CAST: variants seen among roughly 807,000 people sequenced by gnomAD.
The protein encoded by CAST is calpastatin.
Under a neutral mutation model 119.6 loss-of-function variants are expected in CAST, and 76 were observed. The ratio of observed to expected loss-of-function variants is 0.64; its 90% CI spans 0.53 to 0.77. CAST has a LOEUF of 0.77. CAST is among the 30% of genes least tolerant of loss of function. CAST has a pLI of 0.00. For missense variants in CAST, 953 were observed against 946.5 expected, an observed-to-expected ratio of 1.01 and a Z score of -0.09; for synonymous variants, 319 against 331.6, an observed-to-expected ratio of 0.96 and a Z score of 0.41.
chr5:96,238,356 T>TTCTTCA, the CAST span, among the ~76,000 whole-genome samples: 3 of 74,342 alleles, frequency 4.0e-5, no homozygotes, highest in Non-Finnish European at 6.5e-5. Flanking sequence ...CATCTTCATC[T>TTCTTCA]TCTTCTTCTC....
At chr5:96,741,210 AT>A (rs748666487) in intron 13 of CAST, 55 bp from the exon 14 acceptor site, 7 of 929,204 alleles carry the variant, frequency 7.5e-6, no homozygotes, top group Non-Finnish European at 1.2e-5. Context: ...TTTATGATCC[AT>A]TCTTCCACTT....
intron 1 of CAST, among the ~76,000 whole-genome samples, chr5:96,647,993 C>G (rs1392978151): frequency 1.3e-5 from 2 of 152,138 alleles, no homozygotes; most frequent in African/African-American, 2.4e-5. Context: ...AGGAAATGCC[C>G]CTTGTGAATT....
At chr5:96,016,829 GTTTTTTTTTTT>G in the CAST span, among the ~76,000 whole-genome samples, 1 of 97,660 alleles carries the variant, frequency 1.0e-5, no homozygotes, top group Non-Finnish European at 1.9e-5. Context: ...GGTTATCTGG[GTTTTTTTTTTT>G]TTTTTTTTTT....
chr5:96,281,024 G>A, the CAST span, among the ~76,000 whole-genome samples: 3 of 152,216 alleles, frequency 2.0e-5, no homozygotes, highest in Non-Finnish European at 2.9e-5. Flanking sequence ...TAATGTGGAT[G>A]ATAATGTAAT....
the CAST span, among the ~76,000 whole-genome samples, chr5:96,145,262 C>CAGA: frequency 5.8e-3 from 881 of 152,286 alleles, 8 homozygotes; most frequent in African/African-American, 0.021. Context: ...TTCTGGTAAT[C>CAGA]ATGTTCTTGA....
chr5:96,510,794 A>G, the CAST span, among the ~76,000 whole-genome samples: 2 of 152,270 alleles, frequency 1.3e-5, no homozygotes, highest in African/African-American at 4.8e-5. Context: ...GAATAAAATG[A>G]CATTATGTCT....
At chr5:96,041,890 T>C in the CAST span, among the ~76,000 whole-genome samples, 1 of 152,072 alleles carries the variant, frequency 6.6e-6, no homozygotes, top group Admixed American at 6.6e-5. Context: ...GCCTCACCCT[T>C]TAGTTCCAGA....
chr5:95,971,338 A>G, the CAST span, among the ~76,000 whole-genome samples: 2 of 152,220 alleles, frequency 1.3e-5, no homozygotes, highest in African/African-American at 2.4e-5. Flanking sequence ...AATATTTGCC[A>G]AAACAGAAGC....
At chr5:96,146,391 T>C in the CAST span, among the ~76,000 whole-genome samples, 1 of 152,202 alleles carries the variant, frequency 6.6e-6, no homozygotes, top group Non-Finnish European at 1.5e-5. Flanking sequence ...ACCAGGAAGA[T>C]GTGTTAAAAT....
chr5:96,285,720 T>C, the CAST span, among the ~76,000 whole-genome samples: 5 of 152,220 alleles, frequency 3.3e-5, no homozygotes, highest in African/African-American at 9.6e-5. Flanking sequence ...TTAATTCCTA[T>C]TGTGGAAAAT....
chr5:95,995,894 C>T, the CAST span, among the ~76,000 whole-genome samples: 3 of 151,998 alleles, frequency 2.0e-5, no homozygotes, highest in Non-Finnish European at 4.4e-5. Context: ...AGCAGGGTGG[C>T]GAAAAGCCTA....
the CAST span, among the ~76,000 whole-genome samples, chr5:96,479,457 T>A: frequency 7.2e-6 from 1 of 139,222 alleles, no homozygotes; most frequent in Non-Finnish European, 1.6e-5. Context: ...CTCCTTATTT[T>A]TTTTTTTTTT....
At chr5:96,540,295 A>G (rs1035387859) in intron 1 of CAST, among the ~76,000 whole-genome samples, 15 of 152,004 alleles carry the variant, frequency 9.9e-5, no homozygotes, top group African/African-American at 3.6e-4. Flanking sequence ...ATCTGTTATC[A>G]TTCTCCTTCT....
chr5:96,172,000 C>T, the CAST span, among the ~76,000 whole-genome samples: 1 of 152,156 alleles, frequency 6.6e-6, no homozygotes, highest in Non-Finnish European at 1.5e-5. Context: ...GAAGAGACCG[C>T]CAAACAGGCT....
chr5:96,319,561 C>T, the CAST span, among the ~76,000 whole-genome samples: 1 of 152,120 alleles, frequency 6.6e-6, no homozygotes, highest in African/African-American at 2.4e-5. Flanking sequence ...AATAGTAAGA[C>T]CAATCCTACA....
the CAST span, among the ~76,000 whole-genome samples, chr5:96,325,948 C>G: frequency 7.2e-4 from 110 of 152,324 alleles, 1 homozygote; most frequent in Middle Eastern, 3.4e-3. Context: ...CTCCACATAT[C>G]TAAGGGTCTG....
the CAST span, among the ~76,000 whole-genome samples, chr5:96,370,527 T>C: frequency 6.6e-6 from 1 of 152,140 alleles, no homozygotes; most frequent in Non-Finnish European, 1.5e-5. Context: ...TCTTTAATTT[T>C]CACCCCCCAC....
the CAST span, among the ~76,000 whole-genome samples, chr5:96,302,132 G>A: frequency 2.6e-5 from 4 of 152,134 alleles, no homozygotes; most frequent in South Asian, 2.1e-4. Context: ...TTAATACCAC[G>A]TGGAAGCCCT....
At chr5:96,102,726 T>G in the CAST span, among the ~76,000 whole-genome samples, 1 of 151,360 alleles carries the variant, frequency 6.6e-6, no homozygotes. Flanking sequence ...TCTTGGGGTT[T>G]TTTTTTTTTT....
Sources: gnomAD v4.1 joint callset for allele counts (sites outside exome capture counted in the v4.1 genomes callset) on GRCh38, gnomAD v4.1.1 for gene constraint, MANE v1.5 for transcripts, NCBI Gene and HGNC (gene_info 2026-07-23, HGNC 2026-07-21) for gene names.